Variants in NDST2 observed in about 807,000 individuals in gnomAD.
The protein encoded by NDST2 is N-deacetylase and N-sulfotransferase 2, also known as bifunctional heparan sulfate N-deacetylase/N-sulfotransferase 2.
NDST2 carries 32 observed loss-of-function variants against 86.9 expected under a neutral mutation model. That is an observed-to-expected ratio of 0.37 (90% CI 0.28 to 0.49). The LOEUF (loss-of-function observed/expected upper bound fraction) is 0.49, where lower values mean the gene tolerates loss of function less well. Ranked by LOEUF, NDST2 falls within the 20% of genes least tolerant of loss-of-function variation. NDST2 has a pLI of 0.97. For synonymous variants in NDST2, 409 were observed against 437.0 expected, an observed-to-expected ratio of 0.94 and a Z score of 0.80; for missense variants, 950 against 1,146.9, an observed-to-expected ratio of 0.83 and a Z score of 2.48.
rs150589189 is a variant in NDST2, at chr10:73,807,159, C to G, written c.1042G>C (p.Val348Leu). The change falls in exon 4 of 15, where the codon GTT becomes CTT. Residue 348 changes from valine (V) to leucine (L), a missense_variant. By Grantham distance (32) the Val-to-Leu change is conservative. This residue lies in a region of NDST2 where 586 missense variants were observed against 714.0 expected (regional missense o/e 0.82). Transcript: ENST00000309979. ...CCCAAGTTGAAGGTGAAGTTGGGAA[C>G]TAAGGTCCTGAGTTTGTTCTGGGTG... ...LTTQNKLRTL[V>L]PNFTFNLGFS... 136 of 1,613,850 alleles carry G rather than the reference C, an allele frequency of 8.4e-5. No individual in the cohort carries two copies. The East Asian group carries it at 2.3e-3, about 27-fold the overall frequency.
chr10:73,809,325 C>A (rs1565100831), intron 2 of NDST2, among the ~76,000 whole-genome samples: 1 of 152,324 alleles, frequency 6.6e-6, no homozygotes, highest in South Asian at 2.1e-4. Context: ...GATAGGTAAT[C>A]ATTCTACCAG....
chr10:73,802,470 T>C lies in NDST2; in HGVS notation c.2633A>G (p.Gln878Arg). ...PVPSWLREEL[Q>R]HSSLG ...GGGACATCAGCCCAGACTGGAATGC[T>C]GCAGTTCTTCCCGAAGCCACGAGGG... Residue 878 changes from glutamine to arginine, a missense_variant, in exon 15 of 15, where the codon CAG becomes CGG. By Grantham distance (43) the Gln-to-Arg change is conservative (BLOSUM62 1). Around this residue, in one of 5 missense-constraint regions of NDST2, gnomAD observed 303 missense variants for 323.7 expected, o/e 0.94. Coordinates refer to ENST00000309979, the MANE Select transcript of NDST2 (RefSeq NM_003635.4). 6.2e-7 allele frequency: 1 copy of C among 1,613,238 alleles called. No individual in the cohort carries two copies. Among genetic ancestry groups the C allele is most frequent in the South Asian group, 1.1e-5 (1 of 91,042 alleles).
rs779863293 is a variant in NDST2, at chr10:73,803,370, AAGAG to A, written c.2143-15_2143-12del. 6.2e-7 allele frequency: 1 copy of A among 1,613,930 alleles called. No individual in the cohort carries two copies. Among genetic ancestry groups the A allele is most frequent in the African/African-American group, 1.3e-5 (1 of 74,902 alleles). The stretch of plus-strand genomic sequence containing the variant: ...ATGGGCTCGCTGATGCTGAAGGACA[AAGAG>A]AAGGAAGGTGAAGGACTGGTGATTT... On this transcript the variant is annotated splice_polypyrimidine_tract_variant and intron_variant, in intron 11 of 14. Coordinates refer to ENST00000309979, the MANE Select transcript of NDST2 (RefSeq NM_003635.4).
In NDST2 at chr10:73,805,587, C is replaced by G; in HGVS notation, c.1746G>C (p.Gln582His). ...LFPQERSPLWQNPCDDKRHKD... is the reference protein window; with the variant it reads ...LFPQERSPLWHNPCDDKRHKD... ...TCATCAGACTGAGCTCCACCTTTACCTGCCAAAGGGGGCTTCGCTCCTGAG... is the reference window on the plus strand; with the variant it reads ...TCATCAGACTGAGCTCCACCTTTACGTGCCAAAGGGGGCTTCGCTCCTGAG... Residue 582 changes from glutamine to histidine, a missense_variant and splice_region_variant, in exon 8 of 15, where the codon CAG becomes CAC. By Grantham distance (24) the Gln-to-His change is conservative (BLOSUM62 0). Coordinates refer to ENST00000309979, the MANE Select transcript of NDST2 (RefSeq NM_003635.4). 1 of 1,613,962 alleles carries G rather than the reference C, an allele frequency of 6.2e-7. No individual in the cohort carries two copies. Among genetic ancestry groups the G allele is most frequent in the Non-Finnish European group, 8.5e-7 (1 of 1,179,990 alleles).
chr10:73,806,272 T>C lies in NDST2; in HGVS notation c.1434+17A>G. ...AATGTTAGAGTTTGATTCAAGCCTG[T>C]ATTGGGAGTCCCTCACCATAATGCC... On this transcript the variant is annotated intron_variant, in intron 6 of 14. Transcript: ENST00000309979. This position sits in a 1 kb window ranked among gnomAD's most constrained non-coding sequence, Gnocchi z 4.5. 1 of 1,613,128 alleles carries C rather than the reference T, an allele frequency of 6.2e-7. No individual in the cohort carries two copies. The highest frequency in any genetic ancestry group is 8.5e-7 in the Non-Finnish European group (1 of 1,179,822).
intron 1 of NDST2, 44 bp from the exon 2 acceptor site, chr10:73,810,947 C>G (rs574700586): frequency 5.4e-4 from 217 of 398,684 alleles, no homozygotes; most frequent in Middle Eastern, 5.0e-3. Flanking sequence ...CCGGGAGCGC[C>G]GCAGGCCGGG....
At chr10:73,811,766 G>A (rs1054621154), upstream of NDST2, 2 of 152,180 alleles carry the variant, frequency 1.3e-5, no homozygotes, top group Admixed American at 6.5e-5. Context: ...CCGAGACGGC[G>A]GGCTCCGCGC....
In NDST2 at chr10:73,803,632, C is replaced by T. The variant is rs373342432; in HGVS notation, c.2084G>A (p.Arg695Gln). The change falls in exon 11 of 15, where the codon CGA (arginine) becomes CAA (glutamine). Residue 695 changes from arginine (R) to glutamine (Q), a missense_variant. Around this residue, in one of 5 missense-constraint regions of NDST2, gnomAD observed 303 missense variants for 323.7 expected, o/e 0.94. Coordinates refer to ENST00000309979, the MANE Select transcript of NDST2 (RefSeq NM_003635.4). ...VPRRGAALLP[R>Q]AKIITVLTNP... is the part of the protein sequence containing the mutation. ...GGTGAGCACTGTGATGATCTTGGCT[C>T]GTGGCAGGAGGGCAGCCCCCCGCCG... 10 of 1,612,156 alleles carry T rather than the reference C, an allele frequency of 6.2e-6. No homozygotes were observed. Among genetic ancestry groups the T allele is most frequent in the East Asian group, 2.2e-5 (1 of 44,772 alleles).
intron 8 of NDST2, 121 bp from the exon 9 acceptor site, chr10:73,804,990 T>G: frequency 1.9e-6 from 1 of 535,578 alleles, no homozygotes; most frequent in Non-Finnish European, 3.4e-6. Context: ...AACCTCCGCC[T>G]CCTGGGTTCA....
chr10:73,806,824 G>A lies in NDST2; in HGVS notation c.1094-13C>T, dbSNP rs746910122. On this transcript the variant is annotated splice_polypyrimidine_tract_variant and intron_variant, in intron 4 of 14. Transcript: ENST00000309979. The surrounding 1 kb of genome is among the most constrained non-coding windows in gnomAD (Gnocchi z 4.5). Reference sequence around the variant, plus strand: ...TCCTCCTCTGTCCCTATGACCACACGCTGACCACTGACCACAGCCAGTCAG... The same window carrying A: ...TCCTCCTCTGTCCCTATGACCACACACTGACCACTGACCACAGCCAGTCAG... 1.2e-5 allele frequency: 20 copies of A among 1,610,744 alleles called. No individual in the cohort carries two copies. The highest frequency in any genetic ancestry group is 1.2e-4 in the Admixed American group (7 of 59,938).
chr10:73,802,631 C>A lies in NDST2; in HGVS notation c.2526+43G>T, dbSNP rs371264869. 5.6e-6 allele frequency: 9 copies of A among 1,614,116 alleles called. No homozygotes were observed. The East Asian group carries it at 6.7e-5, about 12-fold the overall frequency. On this transcript the variant is annotated intron_variant, in intron 14 of 14. Coordinates refer to ENST00000309979, the MANE Select transcript of NDST2 (RefSeq NM_003635.4). ...TAAGAAGTGGGACACAGAATCAGAT[C>A]CTGGAAGTGGAGAGGGATTCCCCTG... is the stretch of plus-strand genomic sequence containing the variant.
Position 73,806,219 on chromosome 10 carries a change from T to C in NDST2, c.1434+70A>G. On this transcript the variant is annotated intron_variant, in intron 6 of 14. Coordinates refer to ENST00000309979, the MANE Select transcript of NDST2 (RefSeq NM_003635.4). The surrounding 1 kb of genome is among the most constrained non-coding windows in gnomAD (Gnocchi z 4.5). ...TTGGACTGGCAGTTGATAGAGAACA[T>C]AGGTCAATGCATGTTGAAAGCTGTC... The C allele has an allele frequency of 2.5e-6, 4 of 1,592,346 alleles. No individual in the cohort carries two copies. The highest frequency in any genetic ancestry group is 3.4e-6 in the Non-Finnish European group (4 of 1,162,546).
chr10:73,807,252 A>G, intron 3 of NDST2, 57 bp from the exon 4 acceptor site: 18 of 1,561,842 alleles, frequency 1.2e-5, no homozygotes, highest in Non-Finnish European at 1.6e-5. Flanking sequence ...CAGGAAATAC[A>G]TGAGAAGTAG....
chr10:73,806,210 T>G lies in NDST2; in HGVS notation c.1434+79A>C. ...CCCCCATACTTGGACTGGCAGTTGA[T>G]AGAGAACATAGGTCAATGCATGTTG... On this transcript the variant is annotated intron_variant, in intron 6 of 14. Transcript: ENST00000309979. The surrounding 1 kb of genome is among the most constrained non-coding windows in gnomAD (Gnocchi z 4.5). 1 of 1,585,030 alleles carries G rather than the reference T, an allele frequency of 6.3e-7. No individual in the cohort carries two copies. The highest frequency in any genetic ancestry group is 1.1e-5 in the South Asian group (1 of 89,936).
chr10:73,802,661 T>TG lies in NDST2; in HGVS notation c.2526+12dup, dbSNP rs2084011801. 5.0e-6 allele frequency: 8 copies of TG among 1,614,014 alleles called. No homozygotes were observed. The highest frequency in any genetic ancestry group is 6.8e-6 in the Non-Finnish European group (8 of 1,179,978). On this transcript the variant is annotated intron_variant, in intron 14 of 14. Coordinates refer to ENST00000309979, the MANE Select transcript of NDST2 (RefSeq NM_003635.4). The stretch of plus-strand genomic sequence containing the variant: ...AAGTGGAGAGGGATTCCCCTGCCCC[T>TG]GGCTTTACTTACCTCAGTGTCCATA...
Position 73,806,862 on chromosome 10 carries a change from C to T in NDST2, c.1094-51G>A. ...CACAGCCAGTCAGCCCCTGTTCCCTCCTTTATTTTGTAACAACACTGACCA... is the reference window on the plus strand; with the variant it reads ...CACAGCCAGTCAGCCCCTGTTCCCTTCTTTATTTTGTAACAACACTGACCA... On this transcript the variant is annotated intron_variant, in intron 4 of 14. Coordinates refer to ENST00000309979, the MANE Select transcript of NDST2 (RefSeq NM_003635.4). The surrounding 1 kb of genome is among the most constrained non-coding windows in gnomAD (Gnocchi z 4.5). 6.3e-7 allele frequency: 1 copy of T among 1,596,512 alleles called. No homozygotes were observed. Among genetic ancestry groups the T allele is most frequent in the Non-Finnish European group, 8.6e-7 (1 of 1,167,216 alleles).
intron 10 of NDST2, 36 bp from the exon 11 acceptor site, chr10:73,803,784 A>C (rs1166509570): frequency 6.2e-7 from 1 of 1,613,550 alleles, no homozygotes; most frequent in African/African-American, 1.3e-5. Context: ...AAGCAGAAAA[A>C]TATGCAGAGT....
Position 73,810,744 on chromosome 10 carries a change from GTACA to G in NDST2, c.-342+51_-342+54del, listed in dbSNP as rs144273965. ...ACCAGCCCTAAGAGGTAGGGAAAAG[GTACA>G]TGCTCCATTATCCCCATTTCACATA... On this transcript the variant is annotated intron_variant, in intron 2 of 14. Transcript: ENST00000309979. 8.5e-4 allele frequency: 337 copies of G among 398,562 alleles called. 2 individuals carry two copies. Among genetic ancestry groups the G allele is most frequent in the Non-Finnish European group, 9.2e-4 (207 of 225,876 alleles). The allele number at this position is 398,562 out of a possible 1,614,324, so 24.7% of individuals were successfully genotyped here.
intron 2 of NDST2, among the ~76,000 whole-genome samples, chr10:73,809,920 T>TG (rs1180016716): frequency 1.3e-5 from 2 of 152,098 alleles, no homozygotes; most frequent in African/African-American, 2.4e-5. Flanking sequence ...TTTTTAGAGA[T>TG]GGGGGTCTTG....
Sources: allele counts gnomAD v4.1 joint callset (sites outside exome capture counted in the v4.1 genomes callset), GRCh38; gene constraint gnomAD v4.1.1; regional missense constraint gnomAD v4.1.1; non-coding constraint Gnocchi (gnomAD v3.1); transcripts MANE v1.5; gene names NCBI Gene and HGNC (gene_info 2026-07-23, HGNC 2026-07-21).